MED13L: variants seen among roughly 807,000 people sequenced by gnomAD.
The protein encoded by MED13L is mediator complex subunit 13L, also known as mediator of RNA polymerase II transcription subunit 13-like.
A neutral mutation model predicts 220.9 loss-of-function variants in MED13L; 7 were observed. The observed-to-expected ratio is 0.03, with a 90% confidence interval of 0.02 to 0.06. The LOEUF is 0.06. Among genes scored for constraint, MED13L ranks in the 10% least tolerant of loss-of-function variants. The probability of loss-of-function intolerance (pLI) is 1.00; values close to 1 mark genes in which losing one functional copy is unlikely to be tolerated. For missense variants in MED13L, 1,965 were observed against 2,760.5 expected (o/e 0.71, Z 6.46); for synonymous variants, 1,011 against 1,015.2 (o/e 1.00, Z 0.08).
intron 2 of MED13L, among the ~76,000 whole-genome samples, chr12:116,133,254 A>G (rs986719604): frequency 6.6e-6 from 1 of 152,196 alleles, no homozygotes; most frequent in Non-Finnish European, 1.5e-5. Flanking sequence ...AAAATTTCCA[A>G]ACTGTACTCA....
At chr12:116,206,745 T>TA (rs770696825) in intron 2 of MED13L, among the ~76,000 whole-genome samples, 28 of 152,290 alleles carry the variant, frequency 1.8e-4, no homozygotes, top group Non-Finnish European at 3.4e-4. Context: ...TGAAAGAAGA[T>TA]AAAACGCTAA....
intron 2 of MED13L, among the ~76,000 whole-genome samples, chr12:116,205,289 A>C (rs1330258576): frequency 6.6e-6 from 1 of 152,116 alleles, no homozygotes; most frequent in Admixed American, 6.5e-5. Flanking sequence ...CTTCAAAAAG[A>C]GGTGCTGTAA....
At chr12:116,215,458 T>C (rs1321715592) in intron 2 of MED13L, among the ~76,000 whole-genome samples, 3 of 152,204 alleles carry the variant, frequency 2.0e-5, no homozygotes, top group African/African-American at 7.2e-5. Context: ...GCCTCTCTTA[T>C]AGCTGATATC....
intron 23 of MED13L, among the ~76,000 whole-genome samples, chr12:115,979,279 T>A (rs1381303899): frequency 1.3e-5 from 2 of 152,216 alleles, no homozygotes; most frequent in East Asian, 3.8e-4. Flanking sequence ...TAAACCTCAC[T>A]TTATCTTATG....
chr12:116,031,159 T>C (rs1210770704), intron 4 of MED13L, among the ~76,000 whole-genome samples: 3 of 152,296 alleles, frequency 2.0e-5, no homozygotes, highest in East Asian at 1.9e-4. Context: ...TCTTGCTTCA[T>C]GTCAAAACTT....
Position 115,967,170 on chromosome 12 carries a change from CAAAAAAAA to C in MED13L, c.6226-935_6226-928del, listed in dbSNP as rs34377158. On this transcript the variant is annotated intron_variant, in intron 28 of 30. Coordinates refer to ENST00000281928, the MANE Select transcript of MED13L (RefSeq NM_015335.5). ...TGAGCAACAGAGTGAGACTCTGTCT[CAAAAAAAA>C]AAAAAAAAAAAAAAAAAACCTTCTG... Among the ~76,000 whole-genome samples, 4 of 45,244 alleles carry C rather than the reference CAAAAAAAA, an allele frequency of 8.8e-5. No homozygotes were observed. The Admixed American group carries it at 1.1e-3, about 12-fold the overall frequency. The allele number at this position is 45,244 out of a possible 152,430, so 29.7% of individuals were successfully genotyped here.
chr12:116,156,887 G>A (rs1565904399), intron 2 of MED13L, among the ~76,000 whole-genome samples: 1 of 152,140 alleles, frequency 6.6e-6, no homozygotes, highest in Non-Finnish European at 1.5e-5. Flanking sequence ...TGGAGTACAA[G>A]ACAGAAGCTG....
intron 4 of MED13L, among the ~76,000 whole-genome samples, chr12:116,040,155 A>C (rs1460377436): frequency 6.6e-6 from 1 of 152,180 alleles, no homozygotes; most frequent in South Asian, 2.1e-4. Flanking sequence ...TTTTTCCTTA[A>C]TTTTTGTTCA....
At chr12:116,202,997 A>C (rs1288577351) in intron 2 of MED13L, among the ~76,000 whole-genome samples, 1 of 152,212 alleles carries the variant, frequency 6.6e-6, no homozygotes, top group Non-Finnish European at 1.5e-5. Context: ...GGCTTTGCTA[A>C]AACTTTTCAG....
rs544351651 is a variant in MED13L, at chr12:116,277,515, C to T, written c.-384G>A. 6.7e-6 allele frequency among the ~76,000 whole-genome samples: 1 copy of T among 148,728 alleles called. No homozygotes were observed. Among genetic ancestry groups the T allele is most frequent in the South Asian group, 2.1e-4 (1 of 4,788 alleles). ...CGAGCCCCGGAGCCGCCGCCGCCGC[C>T]TCGGAGCCGCCGCCGCCGCGGAGCG... is the stretch of plus-strand genomic sequence containing the variant. On this transcript the variant is annotated 5_prime_UTR_variant, in exon 1 of 31. Coordinates refer to ENST00000281928, the MANE Select transcript of MED13L (RefSeq NM_015335.5).
At chr12:115,998,270 T>G (rs1323817986) in intron 14 of MED13L, among the ~76,000 whole-genome samples, 1 of 152,224 alleles carries the variant, frequency 6.6e-6, no homozygotes, top group Non-Finnish European at 1.5e-5. Context: ...ATGCAGCAAA[T>G]TTTTTAAGTT....
At chr12:116,066,050 G>A (rs533299743) in intron 4 of MED13L, among the ~76,000 whole-genome samples, 1 of 152,296 alleles carries the variant, frequency 6.6e-6, no homozygotes, top group South Asian at 2.1e-4. Context: ...GACTGTAAAT[G>A]CGTTTGTAAA....
At chr12:116,217,736 T>C (rs934453109) in intron 2 of MED13L, among the ~76,000 whole-genome samples, 2 of 152,118 alleles carry the variant, frequency 1.3e-5, no homozygotes, top group Non-Finnish European at 2.9e-5. Context: ...AGTGACACAG[T>C]TCAACAGTGA....
intron 4 of MED13L, among the ~76,000 whole-genome samples, chr12:116,058,583 A>G (rs1869163391): frequency 6.6e-6 from 1 of 152,220 alleles, no homozygotes; most frequent in Non-Finnish European, 1.5e-5. Flanking sequence ...TTAACCATTT[A>G]TATGACCTCC....
chr12:116,218,978 C>T (rs947164774), intron 2 of MED13L, among the ~76,000 whole-genome samples: 1 of 152,116 alleles, frequency 6.6e-6, no homozygotes, highest in Non-Finnish European at 1.5e-5. Flanking sequence ...TCAAGTAATC[C>T]GCCCACCTTG....
chr12:116,000,536 A>AG (rs1878676022), intron 14 of MED13L, among the ~76,000 whole-genome samples: 1 of 152,216 alleles, frequency 6.6e-6, no homozygotes, highest in Non-Finnish European at 1.5e-5. Context: ...CTCACCCCAG[A>AG]GCACATGCCC....
At chr12:116,158,672 A>C (rs1191352325) in intron 2 of MED13L, among the ~76,000 whole-genome samples, 1 of 152,220 alleles carries the variant, frequency 6.6e-6, no homozygotes, top group African/African-American at 2.4e-5. Context: ...TAGGGATAAA[A>C]TGAAATAAGG....
At chr12:115,984,114 A>G (rs1565993396) in intron 20 of MED13L, 66 bp downstream of exon 20, 1 of 1,498,074 alleles carries the variant, frequency 6.7e-7, no homozygotes, top group Admixed American at 1.8e-5. Flanking sequence ...TCTATAAAAG[A>G]AGGGATGGGA....
At chr12:115,992,919 A>G (rs2137312475) in intron 16 of MED13L, among the ~76,000 whole-genome samples, 1 of 152,288 alleles carries the variant, frequency 6.6e-6, no homozygotes, top group East Asian at 1.9e-4. Flanking sequence ...TTCTTGATAT[A>G]CAGTTGGCCC....
Sources: gnomAD v4.1 joint callset for allele counts (sites outside exome capture counted in the v4.1 genomes callset) on GRCh38, gnomAD v4.1.1 for gene constraint, MANE v1.5 for transcripts, NCBI Gene and HGNC (gene_info 2026-07-23, HGNC 2026-07-21) for gene names.